The following ADAMTS19 variants were observed in gnomAD, a reference collection of about 807,000 sequenced individuals.
ADAMTS19 encodes ADAM metallopeptidase with thrombospondin type 1 motif 19.
A neutral mutation model predicts 153.3 loss-of-function variants in ADAMTS19; 93 were observed. That is an observed-to-expected ratio of 0.61 (90% confidence interval 0.51 to 0.72). The LOEUF (loss-of-function observed/expected upper bound fraction) is 0.72. Among genes scored for constraint, ADAMTS19 ranks in the 30% least tolerant of loss-of-function variants. The pLI, the probability that ADAMTS19 is intolerant of heterozygous loss-of-function variation, is 0.00. For missense variants in ADAMTS19, 1,482 were observed against 1,552.1 expected (o/e 0.95, Z 0.76); for synonymous variants, 600 against 556.6 (o/e 1.08, Z -1.10).
At chr5:129,678,665 T>C (rs1171194961) in intron 16 of ADAMTS19, among the ~76,000 whole-genome samples, 5 of 152,178 alleles carry the variant, frequency 3.3e-5, no homozygotes, top group Non-Finnish European at 5.9e-5. Flanking sequence ...GGAAAATCAA[T>C]TTGAAACTGT....
At chr5:129,626,062 T>C (rs1298061960) in intron 10 of ADAMTS19, among the ~76,000 whole-genome samples, 4 of 152,140 alleles carry the variant, frequency 2.6e-5, no homozygotes, top group Non-Finnish European at 5.9e-5. Flanking sequence ...AACCATTAAA[T>C]ACCATATTGT....
chr5:129,643,686 A>G (rs756580762), intron 11 of ADAMTS19, among the ~76,000 whole-genome samples: 3 of 152,206 alleles, frequency 2.0e-5, no homozygotes, highest in Non-Finnish European at 4.4e-5. Flanking sequence ...ATGATTCCTT[A>G]GAGGGAATTT....
intron 7 of ADAMTS19, among the ~76,000 whole-genome samples, chr5:129,587,897 A>C (rs75522016): frequency 6.6e-6 from 1 of 152,120 alleles, no homozygotes; most frequent in African/African-American, 2.4e-5. Context: ...TCTTGCTAAA[A>C]ATCAGCAAAT....
chr5:129,535,357 G>T (rs1386261997), intron 6 of ADAMTS19, among the ~76,000 whole-genome samples: 3 of 152,100 alleles, frequency 2.0e-5, no homozygotes, highest in East Asian at 3.9e-4. Flanking sequence ...CTTACAAGGG[G>T]TGTGAAGGAC....
chr5:129,691,934 G>T (rs1399493299), intron 18 of ADAMTS19, among the ~76,000 whole-genome samples: 1 of 151,972 alleles, frequency 6.6e-6, no homozygotes, highest in African/African-American at 2.4e-5. Context: ...ATCAGCCTTG[G>T]GTTATTTATT....
At chr5:129,583,520 C>T (rs1004148069) in intron 7 of ADAMTS19, among the ~76,000 whole-genome samples, 7 of 152,088 alleles carry the variant, frequency 4.6e-5, no homozygotes, top group Non-Finnish European at 1.0e-4. Flanking sequence ...AAGTTGGTCC[C>T]ATTCTCCCCG....
At chr5:129,725,989 G>A (rs192605004) in intron 21 of ADAMTS19, among the ~76,000 whole-genome samples, 9 of 152,186 alleles carry the variant, frequency 5.9e-5, no homozygotes, top group Non-Finnish European at 1.0e-4. Context: ...AGAGACCTTG[G>A]GGCTTATTTT....
chr5:129,607,988 AC>A (rs1301142452), intron 8 of ADAMTS19, among the ~76,000 whole-genome samples: 1 of 146,822 alleles, frequency 6.8e-6, no homozygotes, highest in African/African-American at 2.6e-5. Flanking sequence ...CATTATATAA[AC>A]AATTCTATAT....
At chr5:129,685,516 T>A (rs1755044407) in intron 18 of ADAMTS19, among the ~76,000 whole-genome samples, 1 of 152,148 alleles carries the variant, frequency 6.6e-6, no homozygotes, top group Non-Finnish European at 1.5e-5. Flanking sequence ...CTTAAATATA[T>A]TATAGTCATT....
intron 6 of ADAMTS19, among the ~76,000 whole-genome samples, chr5:129,531,138 T>C (rs971164228): frequency 6.6e-6 from 1 of 152,146 alleles, no homozygotes; most frequent in African/African-American, 2.4e-5. Flanking sequence ...AAATTAAATA[T>C]CTAAATAAAG....
At chr5:129,569,330 C>G (rs1217002002) in intron 7 of ADAMTS19, among the ~76,000 whole-genome samples, 1 of 152,046 alleles carries the variant, frequency 6.6e-6, no homozygotes, top group African/African-American at 2.4e-5. Flanking sequence ...CTTTAAAACT[C>G]ATGAAGCAAA....
intron 7 of ADAMTS19, among the ~76,000 whole-genome samples, 158 bp downstream of exon 7, chr5:129,552,065 C>T (rs912900810): frequency 2.0e-5 from 3 of 151,850 alleles, no homozygotes; most frequent in East Asian, 1.9e-4. Context: ...TTTGTCAGCA[C>T]TTCAGTGTAA....
chr5:129,654,871 A>G (rs1003220266), intron 14 of ADAMTS19, among the ~76,000 whole-genome samples: 5 of 152,144 alleles, frequency 3.3e-5, no homozygotes, highest in African/African-American at 1.2e-4. Flanking sequence ...GAATCAGATG[A>G]TTTTTAAATG....
chr5:129,523,901 T>G (rs914619249), intron 3 of ADAMTS19, among the ~76,000 whole-genome samples: 1 of 152,194 alleles, frequency 6.6e-6, no homozygotes, highest in Admixed American at 6.5e-5. Context: ...AAGTAATTTA[T>G]AGATTCAGTG....
At chr5:129,602,109 T>C (rs2126932312) in intron 8 of ADAMTS19, among the ~76,000 whole-genome samples, 1 of 152,370 alleles carries the variant, frequency 6.6e-6, no homozygotes, top group South Asian at 2.1e-4. Context: ...TTATTTTTTT[T>C]GAGACGGAGT....
chr5:129,495,556 CTT>C (rs1246186175), intron 2 of ADAMTS19, among the ~76,000 whole-genome samples: 1 of 152,072 alleles, frequency 6.6e-6, no homozygotes, highest in African/African-American at 2.4e-5. Flanking sequence ...TTTATAAAAA[CTT>C]TAATGGATAG....
chr5:129,538,344 A>G (rs1355297432), intron 6 of ADAMTS19, among the ~76,000 whole-genome samples: 1 of 152,126 alleles, frequency 6.6e-6, no homozygotes, highest in Non-Finnish European at 1.5e-5. Context: ...TATTGGGATC[A>G]TAGTCTACAT....
chr5:129,612,388 G>T (rs1751274704), intron 8 of ADAMTS19, among the ~76,000 whole-genome samples: 1 of 151,416 alleles, frequency 6.6e-6, no homozygotes, highest in African/African-American at 2.4e-5. Context: ...TGGACATTTA[G>T]GTTGCTTAAA....
chr5:129,644,782 A>G (rs1561623449), intron 11 of ADAMTS19, among the ~76,000 whole-genome samples: 1 of 152,228 alleles, frequency 6.6e-6, no homozygotes, highest in African/African-American at 2.4e-5. Flanking sequence ...GGAAAGAGAC[A>G]TTAAATACCA....
Sources: gnomAD v4.1 joint callset for allele counts (sites outside exome capture counted in the v4.1 genomes callset) on GRCh38, gnomAD v4.1.1 for gene constraint, MANE v1.5 for transcripts, NCBI Gene and HGNC (gene_info 2026-07-23, HGNC 2026-07-21) for gene names.